Variants in FAM178B observed in about 807,000 individuals in gnomAD.
FAM178B encodes protein FAM178B.
A neutral mutation model predicts 91.7 loss-of-function variants in FAM178B; 82 were observed. That is an observed-to-expected ratio of 0.89 (90% CI 0.75 to 1.07). The LOEUF is 1.07. FAM178B is among the 50% of genes least tolerant of loss of function. The pLI, the probability that FAM178B is intolerant of heterozygous loss-of-function variation, is 0.00. For synonymous variants in FAM178B, 368 were observed against 359.4 expected (o/e 1.02, Z -0.27); for missense variants, 769 against 846.7 (o/e 0.91, Z 1.14).
At chr2:96,879,507 G>A (rs1362519615) in intron 14 of FAM178B, among the ~76,000 whole-genome samples, 1 of 152,240 alleles carries the variant, frequency 6.6e-6, no homozygotes, top group Non-Finnish European at 1.5e-5. Flanking sequence ...CAGGACAGAA[G>A]CCAGACCACT....
intron 9 of FAM178B, 89 bp downstream of exon 9, chr2:96,929,117 C>T (rs1374250229): frequency 6.5e-6 from 6 of 920,972 alleles, no homozygotes; most frequent in Non-Finnish European, 5.2e-6. Context: ...ATGATTATAC[C>T]CCTGTATTCC....
chr2:96,959,681 T>C (rs1163847700), intron 6 of FAM178B, among the ~76,000 whole-genome samples: 1 of 152,216 alleles, frequency 6.6e-6, no homozygotes. Context: ...TTCTTTCCTC[T>C]TCTTCTTGGA....
chr2:96,891,491 A>G (rs2080678577), intron 14 of FAM178B, among the ~76,000 whole-genome samples: 1 of 152,238 alleles, frequency 6.6e-6, no homozygotes, highest in East Asian at 1.9e-4. Flanking sequence ...GGGAGTTCAG[A>G]GAAGGACAAA....
intron 13 of FAM178B, among the ~76,000 whole-genome samples, chr2:96,895,532 T>C (rs2080804824): frequency 6.6e-6 from 1 of 152,236 alleles, no homozygotes; most frequent in South Asian, 2.1e-4. Context: ...GTGCATGCAC[T>C]TGATTCGGGT....
chr2:96,932,124 G>A (rs769270631), intron 8 of FAM178B, among the ~76,000 whole-genome samples: 3 of 152,268 alleles, frequency 2.0e-5, no homozygotes, highest in Middle Eastern at 3.4e-3. Flanking sequence ...GGAACCTCCC[G>A]CCAGCAGCCT....
At position 96,886,187 on chromosome 2, in the gene FAM178B, C is replaced by CA. The variant is rs569176745; in HGVS notation, c.1777-7695dup. On this transcript the variant is annotated intron_variant, in intron 14 of 16. Coordinates refer to ENST00000490605, the MANE Select transcript of FAM178B (RefSeq NM_001122646.3). ...TTTCCCTTCCTTTGTAAGAGTGTCCCAGCCTCCTGTCCCCTACACTCAGAC... is the reference window on the plus strand; with the variant it reads ...TTTCCCTTCCTTTGTAAGAGTGTCCCAAGCCTCCTGTCCCCTACACTCAGAC... Among the ~76,000 whole-genome samples the CA allele has an allele frequency of 6.9e-3, 1,053 of 152,264 alleles. 5 individuals carry two copies. The highest frequency in any genetic ancestry group is 0.012 in the Non-Finnish European group (821 of 68,012).
chr2:96,946,021 G>A, intron 8 of FAM178B, among the ~76,000 whole-genome samples: 1 of 151,972 alleles, frequency 6.6e-6, no homozygotes, highest in Non-Finnish European at 1.5e-5. Flanking sequence ...CTAGCCCCCG[G>A]TAACCACCAT....
chr2:96,972,685 G>A (rs1472960150), intron 1 of FAM178B, 79 bp from the exon 2 acceptor site: 4 of 1,376,910 alleles, frequency 2.9e-6, no homozygotes, highest in Middle Eastern at 1.8e-4. Context: ...TCCCACAGAG[G>A]AGGGCCTGGG....
At chr2:96,894,962 C>T in intron 13 of FAM178B, 1 of 1,047,580 alleles carries the variant, frequency 9.5e-7, no homozygotes, top group South Asian at 1.4e-5. Context: ...TGTGGGCCCA[C>T]CCTCCCTTGC....
At chr2:96,952,371 G>T (rs924726371) in intron 6 of FAM178B, among the ~76,000 whole-genome samples, 1 of 152,184 alleles carries the variant, frequency 6.6e-6, no homozygotes, top group Non-Finnish European at 1.5e-5. Context: ...CATGTGAGCT[G>T]CAAGTGTCCC....
chr2:96,962,941 C>T (rs1163140530), intron 5 of FAM178B, among the ~76,000 whole-genome samples: 1 of 152,178 alleles, frequency 6.6e-6, no homozygotes, highest in Non-Finnish European at 1.5e-5. Flanking sequence ...TGGCTTTGTA[C>T]ACTGGTGAAT....
intron 13 of FAM178B, among the ~76,000 whole-genome samples, chr2:96,894,877 C>T (rs1245959994): frequency 2.5e-5 from 3 of 118,622 alleles, no homozygotes. Context: ...CACACCCACC[C>T]AGTCATCCCC....
intron 8 of FAM178B, among the ~76,000 whole-genome samples, chr2:96,931,032 T>C (rs184830921): frequency 6.6e-6 from 1 of 152,284 alleles, no homozygotes; most frequent in East Asian, 1.9e-4. Context: ...TTACCCAGAC[T>C]AAGGTACTTT....
intron 12 of FAM178B, among the ~76,000 whole-genome samples, chr2:96,906,419 T>C (rs2081056974): frequency 6.6e-6 from 1 of 152,088 alleles, no homozygotes; most frequent in Non-Finnish European, 1.5e-5. Flanking sequence ...GCATCGTGTC[T>C]AGCAACCCTG....
At chr2:96,886,585 C>G (rs1163932592) in intron 14 of FAM178B, among the ~76,000 whole-genome samples, 2 of 152,184 alleles carry the variant, frequency 1.3e-5, no homozygotes, top group Non-Finnish European at 2.9e-5. Flanking sequence ...GCCCTTGGGT[C>G]CCTCTAAGTC....
intron 12 of FAM178B, among the ~76,000 whole-genome samples, chr2:96,906,679 G>A (rs868176133): frequency 6.6e-6 from 1 of 152,122 alleles, no homozygotes; most frequent in Non-Finnish European, 1.5e-5. Flanking sequence ...AGACCCCCGT[G>A]GGTGCAGGCC....
At chr2:96,970,873 G>A in intron 3 of FAM178B, 96 bp from the exon 4 acceptor site, 1 of 919,588 alleles carries the variant, frequency 1.1e-6, no homozygotes. Flanking sequence ...TATTTATTTT[G>A]TTTGCTTTTC....
intron 7 of FAM178B, among the ~76,000 whole-genome samples, chr2:96,950,550 G>A (rs1189879213): frequency 2.0e-5 from 3 of 152,284 alleles, no homozygotes; most frequent in East Asian, 3.9e-4. Flanking sequence ...GGCTCCAACT[G>A]GCAGGAATGG....
At chr2:96,922,857 A>G (rs917060411) in intron 10 of FAM178B, among the ~76,000 whole-genome samples, 2 of 152,058 alleles carry the variant, frequency 1.3e-5, no homozygotes, top group African/African-American at 4.8e-5. Context: ...TAGTTTGTGT[A>G]GAGACGGGGT....
Sources: allele counts gnomAD v4.1 joint callset (sites outside exome capture counted in the v4.1 genomes callset), GRCh38; gene constraint gnomAD v4.1.1; transcripts MANE v1.5; gene names NCBI Gene and HGNC (gene_info 2026-07-23, HGNC 2026-07-21).